The following PTPRD variants were observed in gnomAD, a reference collection of about 807,000 sequenced individuals.
The protein encoded by PTPRD is protein tyrosine phosphatase receptor type D.
Under a neutral mutation model 214.5 loss-of-function variants are expected in PTPRD, and 34 were observed. The ratio of observed to expected loss-of-function variants is 0.16; its 90% CI spans 0.12 to 0.21. PTPRD has a LOEUF of 0.21. PTPRD is among the 10% of genes least tolerant of loss of function. PTPRD has a pLI of 1.00. For synonymous variants in PTPRD, 1,128 were observed against 845.7 expected (o/e 1.33, Z -5.79); for missense variants, 2,545 against 2,398.7 (o/e 1.06, Z -1.27).
chr9:9,151,007 A>C (rs76297531), intron 10 of PTPRD, among the ~76,000 whole-genome samples: 5,168 of 152,258 alleles, frequency 0.034, 309 homozygotes, highest in African/African-American at 0.12. Context: ...CCACATTTTA[A>C]ATGTTACCAC....
At chr9:9,770,112 G>A (rs1006038763) in intron 5 of PTPRD, among the ~76,000 whole-genome samples, 2 of 152,090 alleles carry the variant, frequency 1.3e-5, no homozygotes, top group Admixed American at 6.5e-5. Context: ...ATAATCCTTG[G>A]AGTATATATC....
chr9:8,523,379 G>A lies in PTPRD; in HGVS notation c.691+134C>T, dbSNP rs2097929085. 31 of 1,045,948 alleles carry A rather than the reference G, an allele frequency of 3.0e-5. No homozygotes were observed. The South Asian group carries it at 4.5e-4, about 15-fold the overall frequency. 64.8% of individuals were successfully genotyped at this position (1,045,948 alleles called of 1,614,324 possible). A position where few individuals can be genotyped will look rare whatever the true frequency, so the allele number is the denominator to read the frequency against. On this transcript the variant is annotated intron_variant, in intron 19 of 45. Transcript: ENST00000381196. ...CAGCAAGCACCAGAAGCCATGGCCA[G>A]GGCATTCTCTGCTAAAACATACCAT... is the stretch of plus-strand genomic sequence containing the variant.
At chr9:9,646,348 T>G (rs968389251) in intron 7 of PTPRD, among the ~76,000 whole-genome samples, 41 of 149,378 alleles carry the variant, frequency 2.7e-4, no homozygotes, top group African/African-American at 9.1e-4. Context: ...TGTGTGGGTG[T>G]GTGTGTGTGT....
chr9:10,574,832 A>ATATATT (rs147563782), intron 2 of PTPRD, among the ~76,000 whole-genome samples: 6 of 148,642 alleles, frequency 4.0e-5, no homozygotes, highest in African/African-American at 1.5e-4. Context: ...ATATATATAT[A>ATATATT]TCTTAGATTC....
At chr9:9,714,501 G>C (rs377277736) in intron 7 of PTPRD, among the ~76,000 whole-genome samples, 103 of 70,922 alleles carry the variant, frequency 1.5e-3, no homozygotes, top group African/African-American at 7.9e-3. Flanking sequence ...CACCTTGTTA[G>C]TTTAAATCAG....
At chr9:8,894,736 T>C (rs990515690) in intron 11 of PTPRD, among the ~76,000 whole-genome samples, 3 of 152,210 alleles carry the variant, frequency 2.0e-5, no homozygotes, top group Non-Finnish European at 2.9e-5. Flanking sequence ...AGTTTTGGGG[T>C]AAAACGGCGT....
At chr9:8,669,337 G>C (rs889331684) in intron 12 of PTPRD, among the ~76,000 whole-genome samples, 11 of 152,072 alleles carry the variant, frequency 7.2e-5, no homozygotes, top group African/African-American at 2.7e-4. Flanking sequence ...TGAAGGCTGG[G>C]GTAGACCTGA....
intron 39 of PTPRD, among the ~76,000 whole-genome samples, chr9:8,350,534 A>T (rs1243003801): frequency 2.0e-5 from 3 of 152,182 alleles, no homozygotes; most frequent in Non-Finnish European, 4.4e-5. Flanking sequence ...CTCTTTTAAT[A>T]AAACTGTGAT....
At chr9:9,269,144 G>A (rs535760651) in intron 9 of PTPRD, among the ~76,000 whole-genome samples, 52 of 151,256 alleles carry the variant, frequency 3.4e-4, no homozygotes, top group African/African-American at 1.3e-3. Flanking sequence ...AATATACATG[G>A]AACCCATACA....
intron 10 of PTPRD, among the ~76,000 whole-genome samples, chr9:9,099,620 T>C (rs1048230191): frequency 6.6e-6 from 1 of 152,192 alleles, no homozygotes; most frequent in Non-Finnish European, 1.5e-5. Flanking sequence ...TATTTGCTTA[T>C]AGGATGCATT....
At chr9:10,221,516 G>C (rs1305072680) in intron 3 of PTPRD, among the ~76,000 whole-genome samples, 1 of 151,882 alleles carries the variant, frequency 6.6e-6, no homozygotes, top group Non-Finnish European at 1.5e-5. Flanking sequence ...TTGTGAAATA[G>C]TAATATAAAA....
At chr9:9,227,117 T>C (rs965852213) in intron 9 of PTPRD, among the ~76,000 whole-genome samples, 18 of 152,120 alleles carry the variant, frequency 1.2e-4, no homozygotes, top group African/African-American at 4.3e-4. Context: ...AAAAGAGGCT[T>C]ACAAATGAGG....
rs1470332952 is a variant in PTPRD, at chr9:8,957,984, T to A, written c.-104+60713A>T. 1.1e-4 allele frequency among the ~76,000 whole-genome samples: 17 copies of A among 151,866 alleles called. No homozygotes were observed. In the East Asian group the frequency reaches 2.7e-3, roughly 24 times the overall value. Reference sequence around the variant, plus strand: ...TCTTCAGAAGATCACAAAGAAGTGATGAAAAGTAATACCTTAGCAGGGGAA... The same window carrying A: ...TCTTCAGAAGATCACAAAGAAGTGAAGAAAAGTAATACCTTAGCAGGGGAA... On this transcript the variant is annotated intron_variant, in intron 11 of 45. Coordinates refer to ENST00000381196, the MANE Select transcript of PTPRD (RefSeq NM_002839.4).
intron 32 of PTPRD, among the ~76,000 whole-genome samples, chr9:8,461,862 C>A (rs1321566033): frequency 2.0e-5 from 3 of 151,956 alleles, no homozygotes; most frequent in Admixed American, 2.0e-4. Flanking sequence ...GTTTCCCAGG[C>A]TGGTCTCGAA....
At chr9:10,055,315 G>C (rs756676808) in intron 3 of PTPRD, among the ~76,000 whole-genome samples, 10 of 152,070 alleles carry the variant, frequency 6.6e-5, no homozygotes, top group Non-Finnish European at 1.5e-4. Context: ...TAAAGTAATG[G>C]AGTTTACAAA....
At chr9:9,846,249 C>A (rs2059513154) in intron 5 of PTPRD, among the ~76,000 whole-genome samples, 1 of 152,004 alleles carries the variant, frequency 6.6e-6, no homozygotes, top group African/African-American at 2.4e-5. Flanking sequence ...AGCACTGCAG[C>A]AAGGGATATT....
At chr9:10,219,206 A>G (rs1478705189) in intron 3 of PTPRD, among the ~76,000 whole-genome samples, 3 of 151,920 alleles carry the variant, frequency 2.0e-5, no homozygotes, top group African/African-American at 7.2e-5. Flanking sequence ...GAACACTCCA[A>G]TAAATCAAAC....
intron 3 of PTPRD, among the ~76,000 whole-genome samples, chr9:10,226,257 G>C (rs1202628786): frequency 6.6e-6 from 1 of 152,044 alleles, no homozygotes; most frequent in Non-Finnish European, 1.5e-5. Flanking sequence ...GTGGCTACCA[G>C]CCAATGGATT....
chr9:8,871,852 T>C (rs2098305571), intron 11 of PTPRD, among the ~76,000 whole-genome samples: 2 of 152,130 alleles, frequency 1.3e-5, no homozygotes. Context: ...TAAAAAGAAC[T>C]GCCCAAATCC....
Sources: allele counts gnomAD v4.1 joint callset (sites outside exome capture counted in the v4.1 genomes callset), GRCh38; gene constraint gnomAD v4.1.1; transcripts MANE v1.5; gene names NCBI Gene and HGNC (gene_info 2026-07-23, HGNC 2026-07-21).